FBN3: variants seen among roughly 807,000 people sequenced by gnomAD.
FBN3 encodes the protein fibrillin-3.
FBN3 carries 234 observed loss-of-function variants against 330.1 expected under a neutral mutation model. The ratio of observed to expected loss-of-function variants is 0.71; its 90% CI spans 0.64 to 0.79. FBN3 has a LOEUF of 0.79. FBN3 is among the 30% of genes least tolerant of loss of function. FBN3 has a pLI of 0.00. For missense variants in FBN3, 3,606 were observed against 3,886.9 expected, an observed-to-expected ratio of 0.93 and a Z score of 1.92; for synonymous variants, 1,458 against 1,517.3, an observed-to-expected ratio of 0.96 and a Z score of 0.91.
intron 8 of FBN3, among the ~76,000 whole-genome samples, chr19:8,139,430 G>C (rs910898978): frequency 3.3e-5 from 5 of 152,152 alleles, no homozygotes; most frequent in Admixed American, 6.5e-5. Context: ...AAGATTCCAA[G>C]TTATCGCACA....
In FBN3 at chr19:8,065,784, G is replaced by C. The variant is rs1198737981; in HGVS notation, c.*135C>G. 1.3e-6 allele frequency: 1 copy of C among 799,708 alleles called. No homozygotes were observed. Among genetic ancestry groups the C allele is most frequent in the Non-Finnish European group, 1.9e-6 (1 of 516,390 alleles). The allele number at this position is 799,708 out of a possible 1,614,324, so 49.5% of individuals were successfully genotyped here. A position where few individuals can be genotyped will look rare whatever the true frequency, so the allele number is the denominator to read the frequency against. ...CCAGGCAGAGGCCGGGCTTGCCTGA[G>C]GTTGTCGTGTAGCATTTCACTCTTC... On this transcript the variant is annotated 3_prime_UTR_variant, in exon 64 of 64. Coordinates refer to ENST00000600128, the MANE Select transcript of FBN3 (RefSeq NM_032447.5).
intron 47 of FBN3, among the ~76,000 whole-genome samples, chr19:8,092,824 G>A (rs924539589): frequency 2.6e-5 from 4 of 151,524 alleles, no homozygotes; most frequent in African/African-American, 7.3e-5. Flanking sequence ...ACCAAATATC[G>A]TATGTTCTCA....
At chr19:8,097,035 G>A (rs750310753) in intron 42 of FBN3, 29 bp from the exon 43 acceptor site, 1 of 1,605,314 alleles carries the variant, frequency 6.2e-7, no homozygotes, top group Admixed American at 1.7e-5. Flanking sequence ...TGAGGTGGGG[G>A]TGACAGAGAA....
Position 8,073,270 on chromosome 19 carries a change from G to C in FBN3, c.7730C>G (p.Pro2577Arg). Residue 2577 changes from proline (P) to arginine (R), a missense_variant, in exon 62 of 64, where the codon CCC (proline) becomes CGC (arginine). By Grantham distance (103) the Pro-to-Arg change is moderately radical. Coordinates refer to ENST00000600128, the MANE Select transcript of FBN3 (RefSeq NM_032447.5). ...GCGACAGGAGGCGCTCCCGCAGGTG[G>C]GGGGCGACAGGGCACACTCATTCTC... ...VDENECALSP[P>R]TCGSASCRNT... is the part of the protein sequence containing the mutation. The C allele has an allele frequency of 2.5e-6, 4 of 1,613,922 alleles. No homozygotes were observed. Among genetic ancestry groups the C allele is most frequent in the Non-Finnish European group, 3.4e-6 (4 of 1,179,934 alleles).
At chr19:8,100,010 C>CAAA (rs200461313) in intron 41 of FBN3, among the ~76,000 whole-genome samples, 1 of 105,916 alleles carries the variant, frequency 9.4e-6, no homozygotes, top group African/African-American at 3.4e-5. Flanking sequence ...AACTCCATCT[C>CAAA]AAAAAAAAAA....
intron 59 of FBN3, among the ~76,000 whole-genome samples, chr19:8,077,157 C>T (rs978621773): frequency 1.3e-5 from 2 of 152,228 alleles, no homozygotes; most frequent in Non-Finnish European, 2.9e-5. Flanking sequence ...CAGGTTGCTA[C>T]GATGGTAGGA....
chr19:8,129,117 T>A lies in FBN3; in HGVS notation c.2207A>T (p.Asp736Val), dbSNP rs1295747098. Residue 736 changes from aspartate (D) to valine (V), a missense_variant, in exon 18 of 64, where the codon GAC becomes GTC. By Grantham distance (152) the Asp-to-Val change is radical. Transcript: ENST00000600128. This position sits in a 1 kb window ranked among gnomAD's most constrained non-coding sequence, Gnocchi z 4.5. ...AGGGCTATTCTGGCACCACCCGTTG[T>A]CACACAGGAGGCTGTTGAGGGCACA... Reference protein sequence around the residue: ...DECALNSLLCDNGWCQNSPGS... With the variant: ...DECALNSLLCVNGWCQNSPGS... 2 of 1,612,770 alleles carry A rather than the reference T, an allele frequency of 1.2e-6. No individual in the cohort carries two copies. The highest frequency in any genetic ancestry group is 2.7e-5 in the African/African-American group (2 of 74,738).
At chr19:8,138,072 G>T in intron 10 of FBN3, 69 bp downstream of exon 10, 1 of 1,467,518 alleles carries the variant, frequency 6.8e-7, no homozygotes, top group South Asian at 1.4e-5. Flanking sequence ...CCCCTGTTTG[G>T]AGCTCTCTCC....
At chr19:8,072,250 C>G in intron 62 of FBN3, 52 bp from the exon 63 acceptor site, 1 of 1,482,214 alleles carries the variant, frequency 6.7e-7, no homozygotes, top group Non-Finnish European at 8.9e-7. Context: ...CTGATGGGAC[C>G]TCCCCAGCCA....
chr19:8,115,102 G>A (rs8109920), intron 30 of FBN3, among the ~76,000 whole-genome samples: 52,542 of 151,804 alleles, frequency 0.35, 9,584 homozygotes, highest in South Asian at 0.52. Flanking sequence ...TGATCTGCCC[G>A]CCTCGGCCTC....
Position 8,073,298 on chromosome 19 carries a change from C to A in FBN3, c.7703-1G>T, listed in dbSNP as rs1217850880. The A allele has an allele frequency of 1.2e-6, 2 of 1,611,518 alleles. No individual in the cohort carries two copies. The highest frequency in any genetic ancestry group is 1.7e-5 in the Admixed American group (1 of 59,814). ...GGCGACAGGGCACACTCATTCTCAT[C>A]TGTGGGAGGAAAGGAGGAGGAGAGG... On this transcript the variant is annotated splice_acceptor_variant, in intron 61 of 63. Transcript: ENST00000600128. LOFTEE classifies it high-confidence loss of function.
intron 56 of FBN3, among the ~76,000 whole-genome samples, chr19:8,084,372 C>T (rs1488281095): frequency 6.6e-6 from 1 of 151,976 alleles, no homozygotes; most frequent in Non-Finnish European, 1.5e-5. Flanking sequence ...AGCTCTCACT[C>T]ACAAAGAACA....
At chr19:8,080,213 C>A (rs1177208939) in intron 59 of FBN3, among the ~76,000 whole-genome samples, 1 of 152,214 alleles carries the variant, frequency 6.6e-6, no homozygotes, top group Admixed American at 6.5e-5. Flanking sequence ...TAGAGCACTG[C>A]CTGGTACACA....
intron 13 of FBN3, among the ~76,000 whole-genome samples, chr19:8,135,005 G>T (rs1332828334): frequency 6.7e-6 from 1 of 149,720 alleles, no homozygotes; most frequent in Non-Finnish European, 1.5e-5. Flanking sequence ...TTGAAACAAG[G>T]TCTAGGTCTG....
rs1453053977 is a variant in FBN3 at position 8,121,221 on chromosome 19, A to T, written c.3211+37T>A. ...CCTCTCCTCAATGCCCTCCCTGCCC[A>T]GGGCGCCCACCACACCCCTGCCCGG... On this transcript the variant is annotated intron_variant, in intron 25 of 63. Transcript: ENST00000600128. The surrounding 1 kb of genome is among the most constrained non-coding windows in gnomAD (Gnocchi z 4.5). 3 of 1,511,030 alleles carry T rather than the reference A, an allele frequency of 2.0e-6. No individual in the cohort carries two copies. The highest frequency in any genetic ancestry group is 2.7e-6 in the Non-Finnish European group (3 of 1,114,620). 93.6% of individuals were successfully genotyped at this position (1,511,030 alleles called of 1,614,324 possible). A position where few individuals can be genotyped will look rare whatever the true frequency, so the allele number is the denominator to read the frequency against.
Position 8,083,274 on chromosome 19 carries a change from G to A in FBN3, c.7186C>T (p.Pro2396Ser), listed in dbSNP as rs1259595849. 1.9e-6 allele frequency: 3 copies of A among 1,614,146 alleles called. No homozygotes were observed. In the South Asian group the frequency reaches 3.3e-5, roughly 18 times the overall value. ...AGGCAGGTAGTAGCAGTAGCATCCG[G>A]TGTGTACCCGGCCTGACAGTGGCAG... Reference protein sequence around the residue: ...FRCHCQAGYTPDATATTCLDM... With the variant: ...FRCHCQAGYTSDATATTCLDM... Residue 2396 changes from proline to serine, a missense_variant, in exon 57 of 64, where the codon CCG (proline) becomes TCG (serine). Coordinates refer to ENST00000600128, the MANE Select transcript of FBN3 (RefSeq NM_032447.5).
In FBN3 at chr19:8,065,662, C is replaced by T; in HGVS notation, c.*257G>A. On this transcript the variant is annotated 3_prime_UTR_variant, in exon 64 of 64. Transcript: ENST00000600128. ...CGGTGACCACAGGGCCTCTTCCTGACCTTGGCTGTGGGGGCAGGGGGATTG... is the reference window on the plus strand; with the variant it reads ...CGGTGACCACAGGGCCTCTTCCTGATCTTGGCTGTGGGGGCAGGGGGATTG... 1 of 497,640 alleles carries T rather than the reference C, an allele frequency of 2.0e-6. No individual in the cohort carries two copies. The highest frequency in any genetic ancestry group is 3.5e-6 in the Non-Finnish European group (1 of 283,782). The allele number at this position is 497,640 out of a possible 1,614,324, so 30.8% of individuals were successfully genotyped here. A position where few individuals can be genotyped will look rare whatever the true frequency, so the allele number is the denominator to read the frequency against.
chr19:8,065,559 T>G lies in FBN3; in HGVS notation c.*360A>C. 1 of 244,620 alleles carries G rather than the reference T, an allele frequency of 4.1e-6. No homozygotes were observed. The allele number at this position is 244,620 out of a possible 1,614,324, so 15.2% of individuals were successfully genotyped here. A position where few individuals can be genotyped will look rare whatever the true frequency, so the allele number is the denominator to read the frequency against. The stretch of plus-strand genomic sequence containing the variant: ...TGCCCACCCCAGTTGCCCATTGCCA[T>G]GTCCTGCCAACCCCCTGCCCCCCGC... On this transcript the variant is annotated 3_prime_UTR_variant, in exon 64 of 64. Coordinates refer to ENST00000600128, the MANE Select transcript of FBN3 (RefSeq NM_032447.5).
chr19:8,106,034 T>G, intron 38 of FBN3, 74 bp downstream of exon 38: 4 of 1,580,630 alleles, frequency 2.5e-6, no homozygotes, highest in Non-Finnish European at 3.5e-6. Flanking sequence ...TCTACCCTTG[T>G]GAGGCTTGGC....
Sources: gnomAD v4.1 joint callset for allele counts (sites outside exome capture counted in the v4.1 genomes callset) on GRCh38, gnomAD v4.1.1 for gene constraint, Gnocchi (gnomAD v3.1) non-coding constraint, MANE v1.5 for transcripts, NCBI Gene and HGNC (gene_info 2026-07-23, HGNC 2026-07-21) for gene names.